Variants in SARNP observed in about 807,000 individuals in gnomAD.
SARNP encodes SAP domain containing ribonucleoprotein, also known as SAP domain-containing ribonucleoprotein.
A neutral mutation model predicts 38.1 loss-of-function variants in SARNP; 5 were observed. The ratio of observed to expected loss-of-function variants is 0.13; its 90% confidence interval spans 0.07 to 0.28. The LOEUF (loss-of-function observed/expected upper bound fraction) is 0.28, where lower values mean the gene tolerates loss of function less well. SARNP is among the 10% of genes least tolerant of loss of function. The probability of loss-of-function intolerance (pLI) is 1.00; values close to 1 mark genes in which losing one functional copy is unlikely to be tolerated. For missense variants in SARNP, 180 were observed against 243.9 expected, an observed-to-expected ratio of 0.74 and a Z score of 1.75; for synonymous variants, 84 against 80.6, an observed-to-expected ratio of 1.04 and a Z score of -0.23.
chr12:55,754,611 T>C (rs1326465300), downstream of SARNP: 1 of 152,212 alleles, frequency 6.6e-6, no homozygotes, highest in Non-Finnish European at 1.5e-5. Flanking sequence ...AGGGCACTCA[T>C]ACCTAGCTAG....
At chr12:55,762,836 A>G (rs1004008803) in intron 9 of SARNP, among the ~76,000 whole-genome samples, 4 of 152,222 alleles carry the variant, frequency 2.6e-5, no homozygotes, top group South Asian at 2.1e-4. Flanking sequence ...CAGGGCAGCT[A>G]TCCAGCTTTC....
At chr12:55,759,924 G>C (rs948153348) in intron 10 of SARNP, among the ~76,000 whole-genome samples, 1 of 151,756 alleles carries the variant, frequency 6.6e-6, no homozygotes, top group Non-Finnish European at 1.5e-5. Context: ...TTTTAGTAGA[G>C]ACAGGGTTTC....
At chr12:55,817,553 G>A (rs1880532916) in intron 1 of SARNP, 113 bp downstream of exon 1, 8 of 987,758 alleles carry the variant, frequency 8.1e-6, no homozygotes, top group East Asian at 2.7e-5. Context: ...GGCGGGAGCC[G>A]AGAAACGAAG....
At chr12:55,770,227 ATT>A (rs758062236) in intron 9 of SARNP, among the ~76,000 whole-genome samples, 6 of 142,596 alleles carry the variant, frequency 4.2e-5, no homozygotes, top group African/African-American at 7.7e-5. Flanking sequence ...TATAACTAGA[ATT>A]TTTTTTTTTT....
chr12:55,803,510 G>T, intron 2 of SARNP, 119 bp downstream of exon 2: 2 of 536,828 alleles, frequency 3.7e-6, no homozygotes, highest in East Asian at 3.0e-5. Flanking sequence ...GAGTTTTCTT[G>T]ATGCCGTTAA....
At chr12:55,816,671 C>CAG (rs1880495793) in intron 1 of SARNP, among the ~76,000 whole-genome samples, 1 of 152,202 alleles carries the variant, frequency 6.6e-6, no homozygotes, top group Non-Finnish European at 1.5e-5. Flanking sequence ...TTGTCCAAAA[C>CAG]ATCTAATGGG....
At chr12:55,787,837 C>T (rs974612525) in intron 9 of SARNP, among the ~76,000 whole-genome samples, 11 of 152,040 alleles carry the variant, frequency 7.2e-5, no homozygotes, top group African/African-American at 2.2e-4. Flanking sequence ...CAAGCTCCCC[C>T]TCCCAGGTTC....
intron 9 of SARNP, among the ~76,000 whole-genome samples, chr12:55,778,234 C>G (rs909637017): frequency 6.6e-6 from 1 of 152,128 alleles, no homozygotes; most frequent in Non-Finnish European, 1.5e-5. Context: ...GAGACCTCCA[C>G]CTCCACGGTT....
intron 10 of SARNP, among the ~76,000 whole-genome samples, chr12:55,758,463 G>A (rs377323567): frequency 1.3e-4 from 20 of 152,182 alleles, no homozygotes; most frequent in East Asian, 3.9e-4. Context: ...TGACCAACAC[G>A]GTAAAACCCC....
chr12:55,815,249 A>G (rs1880447794), intron 1 of SARNP, among the ~76,000 whole-genome samples: 1 of 151,974 alleles, frequency 6.6e-6, no homozygotes, highest in African/African-American at 2.4e-5. Flanking sequence ...TTGTAGAGAC[A>G]GGGTCTCACT....
chr12:55,777,107 A>C (rs369767385), intron 9 of SARNP, among the ~76,000 whole-genome samples: 2 of 152,354 alleles, frequency 1.3e-5, no homozygotes, highest in Admixed American at 6.5e-5. Context: ...GGGAAAATAG[A>C]AAAGAGTTTT....
intron 9 of SARNP, 84 bp downstream of exon 9, chr12:55,788,991 T>G: frequency 2.3e-6 from 2 of 863,714 alleles, no homozygotes; most frequent in Non-Finnish European, 3.8e-6. Flanking sequence ...AGCTACATTC[T>G]CAGGAGGGTC....
chr12:55,802,616 G>A (rs1032966307), intron 2 of SARNP, among the ~76,000 whole-genome samples: 1 of 151,534 alleles, frequency 6.6e-6, no homozygotes, highest in African/African-American at 2.4e-5. Flanking sequence ...TCACCCCCAA[G>A]ATATCTCATT....
intron 9 of SARNP, among the ~76,000 whole-genome samples, chr12:55,782,774 A>G (rs1309456990): frequency 6.6e-6 from 1 of 152,136 alleles, no homozygotes; most frequent in Non-Finnish European, 1.5e-5. Flanking sequence ...TACATTTTAT[A>G]GAAGACAGGG....
intron 9 of SARNP, among the ~76,000 whole-genome samples, chr12:55,774,591 A>C (rs1166666762): frequency 2.7e-5 from 4 of 147,436 alleles, no homozygotes; most frequent in South Asian, 2.1e-4. Flanking sequence ...AAAAAAAAAA[A>C]ACAAAAATTA....
chr12:55,794,956 T>TAAA, intron 5 of SARNP, 76 bp from the exon 6 acceptor site: 1 of 344,670 alleles, frequency 2.9e-6, no homozygotes, highest in South Asian at 4.3e-5. Flanking sequence ...GTAGGTATCT[T>TAAA]TAAAAAAAAA....
Position 55,771,822 on chromosome 12 carries a change from G to GT in SARNP, c.502-11183dup, listed in dbSNP as rs1404504580. Among the ~76,000 whole-genome samples the GT allele has an allele frequency of 4.6e-5, 7 of 152,140 alleles. No individual in the cohort carries two copies. The East Asian group carries it at 1.3e-3, about 29-fold the overall frequency. ...GAGGGAGCCTGAATCTCAGTGCCAC[G>GT]TGACTGATGGCAGGATGAAAAGCAG... On this transcript the variant is annotated intron_variant, in intron 9 of 10. Coordinates refer to ENST00000336133, the MANE Select transcript of SARNP (RefSeq NM_033082.4).
intron 5 of SARNP, among the ~76,000 whole-genome samples, chr12:55,795,391 A>G (rs1879791963): frequency 6.6e-6 from 1 of 152,162 alleles, no homozygotes; most frequent in South Asian, 2.1e-4. Flanking sequence ...AAACAAAAAA[A>G]GACTATTACT....
intron 1 of SARNP, among the ~76,000 whole-genome samples, chr12:55,815,615 C>T (rs1880458811): frequency 6.6e-6 from 1 of 152,144 alleles, no homozygotes; most frequent in South Asian, 2.1e-4. Flanking sequence ...AGGCACTTGC[C>T]ACCACACCTG....
Sources: allele counts gnomAD v4.1 joint callset (sites outside exome capture counted in the v4.1 genomes callset), GRCh38; gene constraint gnomAD v4.1.1; transcripts MANE v1.5; gene names NCBI Gene and HGNC (gene_info 2026-07-23, HGNC 2026-07-21).